The following ABCB5 variants were observed in gnomAD, a reference collection of about 807,000 sequenced individuals.
ABCB5 encodes ATP binding cassette subfamily B member 5.
ABCB5 carries 155 observed loss-of-function variants against 144.2 expected under a neutral mutation model. That is an observed-to-expected ratio of 1.08 (90% CI 0.94 to 1.23). The LOEUF is 1.23. Among genes scored for constraint, ABCB5 ranks in the 50% most tolerant of loss-of-function variants. The probability of loss-of-function intolerance (pLI) is 0.00; values close to 1 mark genes in which losing one functional copy is unlikely to be tolerated. For missense variants in ABCB5, 1,830 were observed against 1,520.8 expected (o/e 1.20, Z -3.38); for synonymous variants, 610 against 528.6 (o/e 1.15, Z -2.11).
chr7:20,725,807 C>T (rs1782018854), intron 21 of ABCB5, among the ~76,000 whole-genome samples: 1 of 152,084 alleles, frequency 6.6e-6, no homozygotes, highest in Non-Finnish European at 1.5e-5. Flanking sequence ...CCATTTTCTT[C>T]ATATACTATG....
In ABCB5 at chr7:20,748,650, CAAAAAAAAAAAAAA is replaced by C. The variant is rs71020682; in HGVS notation, c.3429+3227_3429+3240del. On this transcript the variant is annotated intron_variant, in intron 26 of 27. Transcript: ENST00000404938. ...GGGCAACAAGAGTGAGACTCCATCT[CAAAAAAAAAAAAAA>C]AAAAAAAAAAAAAAGGGAATTAATT... Among the ~76,000 whole-genome samples, 5 of 59,076 alleles carry C rather than the reference CAAAAAAAAAAAAAA, an allele frequency of 8.5e-5. No homozygotes were observed. The South Asian group carries it at 4.2e-3, about 50-fold the overall frequency. 38.8% of individuals were successfully genotyped at this position (59,076 alleles called of 152,430 possible).
intron 3 of ABCB5, 57 bp from the exon 4 acceptor site, chr7:20,628,631 G>GTT (rs397760509): frequency 3.2e-6 from 5 of 1,557,484 alleles, no homozygotes; most frequent in Non-Finnish European, 4.4e-6. Flanking sequence ...GTGTGTGTGT[G>GTT]CTTGGTGTGT....
At chr7:20,727,201 C>A in intron 22 of ABCB5, 61 bp downstream of exon 22, 2 of 1,195,042 alleles carry the variant, frequency 1.7e-6, no homozygotes, top group South Asian at 1.3e-5. Flanking sequence ...GCAGTACTCT[C>A]AAATGACTCC....
chr7:20,703,348 G>T (rs889288766), intron 19 of ABCB5, among the ~76,000 whole-genome samples: 1 of 152,216 alleles, frequency 6.6e-6, no homozygotes, highest in African/African-American at 2.4e-5. Context: ...GCCTGGGATT[G>T]TGCTTTCAAA....
intron 26 of ABCB5, among the ~76,000 whole-genome samples, chr7:20,747,147 C>A (rs1218791953): frequency 6.6e-6 from 1 of 152,196 alleles, no homozygotes; most frequent in African/African-American, 2.4e-5. Flanking sequence ...TTAATGGCAA[C>A]TTCCTTTTTA....
intron 1 of ABCB5, among the ~76,000 whole-genome samples, chr7:20,622,102 C>G (rs753116452): frequency 9.9e-5 from 15 of 152,050 alleles, no homozygotes; most frequent in African/African-American, 2.2e-4. Context: ...AAGTGCAGCT[C>G]ATTATTTATT....
chr7:20,620,869 G>T (rs1295886068), intron 1 of ABCB5, among the ~76,000 whole-genome samples: 1 of 152,048 alleles, frequency 6.6e-6, no homozygotes, highest in Non-Finnish European at 1.5e-5. Flanking sequence ...CTAACCGCTT[G>T]ATCCAGCAAT....
At chr7:20,660,294 T>A (rs536096101) in intron 14 of ABCB5, 2 of 985,076 alleles carry the variant, frequency 2.0e-6, no homozygotes, top group Non-Finnish European at 2.4e-6. Context: ...AACAGCTATG[T>A]GGCATAATTA....
intron 14 of ABCB5, among the ~76,000 whole-genome samples, chr7:20,675,277 T>C (rs1785565296): frequency 6.6e-6 from 1 of 152,046 alleles, no homozygotes; most frequent in African/African-American, 2.4e-5. Flanking sequence ...AACAGTATAG[T>C]ACTTGCCTAA....
At chr7:20,642,947 G>C (rs1291213563) in intron 5 of ABCB5, among the ~76,000 whole-genome samples, 1 of 152,120 alleles carries the variant, frequency 6.6e-6, no homozygotes. Context: ...GATATAAGTA[G>C]CAAGAATGTT....
intron 4 of ABCB5, among the ~76,000 whole-genome samples, chr7:20,630,694 T>C (rs184560409): frequency 1.1e-4 from 17 of 152,262 alleles, no homozygotes; most frequent in African/African-American, 3.8e-4. Context: ...CATGAACAAA[T>C]GAATGAATGA....
intron 16 of ABCB5, among the ~76,000 whole-genome samples, chr7:20,686,200 C>T (rs986053098): frequency 1.3e-5 from 2 of 152,146 alleles, no homozygotes; most frequent in African/African-American, 4.8e-5. Context: ...AAATGCATGC[C>T]ACTCCCGGAA....
chr7:20,705,391 A>C (rs1027220426), intron 20 of ABCB5, among the ~76,000 whole-genome samples: 2 of 152,168 alleles, frequency 1.3e-5, no homozygotes, highest in African/African-American at 4.8e-5. Flanking sequence ...AGCTGTGGGG[A>C]GTAGAGGAGT....
chr7:20,736,269 G>A (rs953270290), intron 23 of ABCB5, among the ~76,000 whole-genome samples: 3 of 152,128 alleles, frequency 2.0e-5, no homozygotes, highest in Non-Finnish European at 4.4e-5. Flanking sequence ...CCAGGCTGGA[G>A]TGCAGTGACG....
At position 20,742,935 on chromosome 7, in the gene ABCB5, C is replaced by G; in HGVS notation, c.3083C>G (p.Pro1028Arg). ...REVSFFYPCR[P>R]DVFILRGLSL... The stretch of plus-strand genomic sequence containing the variant: ...GTCTCTTTCTTCTATCCATGTCGCC[C>G]AGATGTTTTCATCCTCCGTGGCTTA... Residue 1028 changes from proline to arginine, a missense_variant, in exon 25 of 28, where the codon CCA becomes CGA. By Grantham distance (103) the Pro-to-Arg change is moderately radical. Transcript: ENST00000404938. 6.2e-7 allele frequency: 1 copy of G among 1,614,148 alleles called. No individual in the cohort carries two copies. Among genetic ancestry groups the G allele is most frequent in the African/African-American group, 1.3e-5 (1 of 75,026 alleles).
chr7:20,715,520 C>G (rs1412234727), intron 20 of ABCB5, among the ~76,000 whole-genome samples: 1 of 151,958 alleles, frequency 6.6e-6, no homozygotes, highest in African/African-American at 2.4e-5. Context: ...AAGGGATGCT[C>G]CCACCTCAGC....
intron 14 of ABCB5, among the ~76,000 whole-genome samples, chr7:20,663,864 C>A (rs1241831697): frequency 8.6e-5 from 13 of 152,028 alleles, no homozygotes; most frequent in African/African-American, 3.1e-4. Flanking sequence ...TACAGGCACA[C>A]ACCACCACAC....
chr7:20,742,810 A>G lies in ABCB5; in HGVS notation c.3025-67A>G, dbSNP rs1364405888. 3.4e-6 allele frequency: 5 copies of G among 1,486,612 alleles called. No homozygotes were observed. The African/African-American group carries it at 4.2e-5, about 12-fold the overall frequency. The allele number at this position is 1,486,612 out of a possible 1,614,324, so 92.1% of individuals were successfully genotyped here. On this transcript the variant is annotated intron_variant, in intron 24 of 27. Coordinates refer to ENST00000404938, the MANE Select transcript of ABCB5 (RefSeq NM_001163941.2). ...CACAATTTTCAAAATGAACTTGGCC[A>G]GTATGCTACAGTGTGTTACAACCTT...
intron 23 of ABCB5, among the ~76,000 whole-genome samples, chr7:20,733,159 A>G (rs1202883017): frequency 3.3e-5 from 5 of 152,076 alleles, no homozygotes; most frequent in Non-Finnish European, 2.9e-5. Context: ...TCCAGATTCC[A>G]GAGGTTTGGT....
Sources: gnomAD v4.1 joint callset for allele counts (sites outside exome capture counted in the v4.1 genomes callset) on GRCh38, gnomAD v4.1.1 for gene constraint, MANE v1.5 for transcripts, NCBI Gene and HGNC (gene_info 2026-07-23, HGNC 2026-07-21) for gene names.